SZT2: variants seen among roughly 807,000 people sequenced by gnomAD.
The protein encoded by SZT2 is KICSTOR complex protein SZT2.
In SZT2, 216 loss-of-function variants were observed where a neutral mutation model predicts 404.2. The ratio of observed to expected loss-of-function variants is 0.53; its 90% confidence interval spans 0.48 to 0.60. The LOEUF (loss-of-function observed/expected upper bound fraction) is 0.60. Ranked by LOEUF, SZT2 falls within the 20% of genes least tolerant of loss-of-function variation. The pLI is 0.00. For synonymous variants in SZT2, 1,693 were observed against 1,749.9 expected (o/e 0.97, Z 0.81); for missense variants, 3,857 against 4,459.2 (o/e 0.86, Z 3.85).
Position 43,432,538 on chromosome 1 carries a change from G to A in SZT2, c.5464G>A (p.Ala1822Thr), listed in dbSNP as rs2153934196. 6.2e-7 allele frequency: 1 copy of A among 1,610,470 alleles called. No homozygotes were observed. Among genetic ancestry groups the A allele is most frequent in the Non-Finnish European group, 8.5e-7 (1 of 1,178,192 alleles). The change falls in exon 38 of 72, where the codon GCA becomes ACA. Residue 1822 changes from alanine (A) to threonine (T), a missense_variant. Coordinates refer to ENST00000634258, the MANE Select transcript of SZT2 (RefSeq NM_001365999.1). ...EGETLTASPQAPGSPEDSEGV... is the reference protein window; with the variant it reads ...EGETLTASPQTPGSPEDSEGV... ...TCAGACCCTGACAGCCAGCCCCCAA[G>A]CACCTGGGTCCCCAGAGGATTCTGA...
At position 43,435,202 on chromosome 1, in the gene SZT2, A is replaced by C; in HGVS notation, c.5907A>C (p.Arg1969=). Residue 1969 remains arginine, a splice_region_variant and synonymous_variant, in exon 42 of 72, where the codon CGA becomes CGC. Transcript: ENST00000634258. Reference sequence around the variant, plus strand: ...TGACCTCATGCTCCTTCTCCCAGCGACTGCTTCTTCAAGACCTTCATGACA... The same window carrying C: ...TGACCTCATGCTCCTTCTCCCAGCGCCTGCTTCTTCAAGACCTTCATGACA... ...VGEICREVNQ[R]LLLQDLHDSH... is the part of the protein sequence containing the mutation. 1 of 1,614,070 alleles carries C rather than the reference A, an allele frequency of 6.2e-7. No individual in the cohort carries two copies. The highest frequency in any genetic ancestry group is 8.5e-7 in the Non-Finnish European group (1 of 1,179,966).
rs1017266043 is a variant in SZT2, at chr1:43,426,005, G to A, written c.2930-33G>A. On this transcript the variant is annotated intron_variant, in intron 20 of 71. Coordinates refer to ENST00000634258, the MANE Select transcript of SZT2 (RefSeq NM_001365999.1). The surrounding 1 kb of genome is among the most constrained non-coding windows in gnomAD (Gnocchi z 4.9). The stretch of plus-strand genomic sequence containing the variant: ...CAGGGGAGTGGGTAGGGTAATCTGC[G>A]TCTCACTGTGTCCTGTCCTTCCTCC... The A allele has an allele frequency of 2.9e-5, 46 of 1,612,820 alleles. No homozygotes were observed. Among genetic ancestry groups the A allele is most frequent in the Admixed American group, 2.5e-4 (15 of 60,008 alleles).
At chr1:43,399,720 CA>C (rs1649450643) in intron 1 of SZT2, among the ~76,000 whole-genome samples, 1 of 151,982 alleles carries the variant, frequency 6.6e-6, no homozygotes, top group Non-Finnish European at 1.5e-5. Flanking sequence ...CTTGGCCTCC[CA>C]AAGTGCTGGG....
At position 43,450,635 on chromosome 1, in the gene SZT2, C is replaced by A; in HGVS notation, c.*155C>A. Reference sequence around the variant, plus strand: ...TTTGTAACTATGTCTTGAGGGTCTGCTGCCCCAGCCTGGCAGCAGGAACCG... The same window carrying A: ...TTTGTAACTATGTCTTGAGGGTCTGATGCCCCAGCCTGGCAGCAGGAACCG... On this transcript the variant is annotated 3_prime_UTR_variant, in exon 72 of 72. Coordinates refer to ENST00000634258, the MANE Select transcript of SZT2 (RefSeq NM_001365999.1). This position sits in a 1 kb window ranked among gnomAD's most constrained non-coding sequence, Gnocchi z 4.3. 1 of 1,168,776 alleles carries A rather than the reference C, an allele frequency of 8.6e-7. No individual in the cohort carries two copies. The highest frequency in any genetic ancestry group is 1.2e-6 in the Non-Finnish European group (1 of 834,602). 72.4% of individuals were successfully genotyped at this position (1,168,776 alleles called of 1,614,324 possible).
intron 62 of SZT2, 111 bp from the exon 63 acceptor site, chr1:43,445,781 GTC>G (rs1259850231): frequency 9.6e-7 from 1 of 1,045,806 alleles, no homozygotes; most frequent in Admixed American, 1.9e-5. Flanking sequence ...AGCTTTGTGG[GTC>G]TGTTTCCTCC....
At chr1:43,427,204 A>G in intron 24 of SZT2, 25 bp downstream of exon 24, 1 of 1,612,564 alleles carries the variant, frequency 6.2e-7, no homozygotes, top group Non-Finnish European at 8.5e-7. Context: ...CCTCCTCACG[A>G]ACCCCCTCAG....
intron 4 of SZT2, among the ~76,000 whole-genome samples, chr1:43,410,787 T>C (rs780964926): frequency 2.4e-4 from 37 of 152,054 alleles, no homozygotes; most frequent in Non-Finnish European, 3.5e-4. Context: ...ATCATCTCAC[T>C]ACAGGCCTTT....
In SZT2 at chr1:43,443,612, G is replaced by C. The variant is rs1379192344; in HGVS notation, c.8641G>C (p.Glu2881Gln). 3.1e-6 allele frequency: 5 copies of C among 1,614,176 alleles called. No individual in the cohort carries two copies. In the East Asian group the frequency reaches 1.1e-4, roughly 36 times the overall value. Residue 2881 changes from glutamate (E) to glutamine (Q), a missense_variant, in exon 62 of 72, where the codon GAG becomes CAG. Glu to Gln is a conservative substitution (Grantham distance 29, BLOSUM62 2). Coordinates refer to ENST00000634258, the MANE Select transcript of SZT2 (RefSeq NM_001365999.1). ...PPDGQRRHRP[E>Q]SGSGSREAPT... ...ACTCTCATAGCGGCGCCATCGCCCT[G>C]AGTCAGGGTCTGGGAGCCGAGAGGC...
chr1:43,432,603 A>T lies in SZT2; in HGVS notation c.5529A>T (p.Gly1843=). Residue 1843 remains glycine, a splice_region_variant and synonymous_variant, in exon 38 of 72, where the codon GGA becomes GGT. Transcript: ENST00000634258. ...PLISLPRVPQ[G]GSQPGPSRGL... ...TCAGCCTGCCCCGCGTGCCACAGGGAGGTAAGAGAGGACTTGGGCAGCAGT... is the reference window on the plus strand; with the variant it reads ...TCAGCCTGCCCCGCGTGCCACAGGGTGGTAAGAGAGGACTTGGGCAGCAGT... 1.9e-6 allele frequency: 3 copies of T among 1,613,706 alleles called. No homozygotes were observed. The highest frequency in any genetic ancestry group is 2.5e-6 in the Non-Finnish European group (3 of 1,179,832).
rs574760853 is a variant in SZT2 at position 43,450,777 on chromosome 1, G to A, written c.*297G>A. ...CTTTCGGCCCCCCTGGTAGAGTCTC[G>A]GGAGTTCACACAGGGTGGCAAACAC... On this transcript the variant is annotated 3_prime_UTR_variant, in exon 72 of 72. Coordinates refer to ENST00000634258, the MANE Select transcript of SZT2 (RefSeq NM_001365999.1). The surrounding 1 kb of genome is among the most constrained non-coding windows in gnomAD (Gnocchi z 4.3). 31 of 707,400 alleles carry A rather than the reference G, an allele frequency of 4.4e-5. No homozygotes were observed. The highest frequency in any genetic ancestry group is 6.3e-5 in the Non-Finnish European group (24 of 383,296). The allele number at this position is 707,400 out of a possible 1,614,324, so 43.8% of individuals were successfully genotyped here. A position where few individuals can be genotyped will look rare whatever the true frequency, so the allele number is the denominator to read the frequency against.
rs2153935696 is a variant in SZT2 at position 43,441,391 on chromosome 1, G to A, written c.7511+11G>A. 1 of 1,613,804 alleles carries A rather than the reference G, an allele frequency of 6.2e-7. No homozygotes were observed. The highest frequency in any genetic ancestry group is 8.5e-7 in the Non-Finnish European group (1 of 1,179,802). On this transcript the variant is annotated intron_variant, in intron 53 of 71. Transcript: ENST00000634258. This position sits in a 1 kb window ranked among gnomAD's most constrained non-coding sequence, Gnocchi z 4.8. ...AGCCCAGAGACAAAAGTATGTGTGT[G>A]GTGGTGGTGTGCCCTGGGAGGGTAT... is the stretch of plus-strand genomic sequence containing the variant.
Position 43,439,290 on chromosome 1 carries a change from G to C in SZT2, c.6793-68G>C. 1 of 1,575,048 alleles carries C rather than the reference G, an allele frequency of 6.3e-7. No homozygotes were observed. The highest frequency in any genetic ancestry group is 2.2e-5 in the East Asian group (1 of 44,684). On this transcript the variant is annotated intron_variant, in intron 48 of 71. Transcript: ENST00000634258. The surrounding 1 kb of genome is among the most constrained non-coding windows in gnomAD (Gnocchi z 4.2). The stretch of plus-strand genomic sequence containing the variant: ...CTACCTGCACCACATTCCCCACTGT[G>C]GGCACCCATCCCCGAGGGTTTTGTC...
At chr1:43,396,766 G>C (rs1649043322) in intron 1 of SZT2, among the ~76,000 whole-genome samples, 1 of 152,112 alleles carries the variant, frequency 6.6e-6, no homozygotes, top group Non-Finnish European at 1.5e-5. Flanking sequence ...GGAACATAAA[G>C]CAAATCTGTT....
rs1353060443 is a variant in SZT2 at position 43,442,107 on chromosome 1, A to T, written c.7850A>T (p.Gln2617Leu). 6.3e-7 allele frequency: 1 copy of T among 1,577,376 alleles called. No individual in the cohort carries two copies. The highest frequency in any genetic ancestry group is 1.1e-5 in the South Asian group (1 of 90,352). ...HLLLLGRNFLQWRRPTQQAAK... is the reference protein window; with the variant it reads ...HLLLLGRNFLLWRRPTQQAAK... Reference sequence around the variant, plus strand: ...CTGCTTCTGGGAAGGAACTTCTTGCAGTGGAGGAGACCAACACAGCAGGGT... The same window carrying T: ...CTGCTTCTGGGAAGGAACTTCTTGCTGTGGAGGAGACCAACACAGCAGGGT... The change falls in exon 56 of 72, where the codon CAG (glutamine) becomes CTG (leucine). Residue 2617 changes from glutamine to leucine, a missense_variant. Around this residue, in one of 7 missense-constraint regions of SZT2, gnomAD observed 573 missense variants for 592.4 expected, o/e 0.97. Coordinates refer to ENST00000634258, the MANE Select transcript of SZT2 (RefSeq NM_001365999.1). This position sits in a 1 kb window ranked among gnomAD's most constrained non-coding sequence, Gnocchi z 4.5.
chr1:43,447,568 C>G lies in SZT2; in HGVS notation c.9310C>G (p.Leu3104Val), dbSNP rs755130807. ...AGGGACATTGGAGCTCCCCACACCA[C>G]TCATTGCTGCCCACCAGCTATACAA... is the stretch of plus-strand genomic sequence containing the variant. ...YQGTLELPTP[L>V]IAAHQLYNYV... Residue 3104 changes from leucine (L) to valine (V), a missense_variant, in exon 67 of 72, where the codon CTC becomes GTC. Leu to Val is a conservative substitution (Grantham distance 32, BLOSUM62 1). Transcript: ENST00000634258. 2 of 1,614,116 alleles carry G rather than the reference C, an allele frequency of 1.2e-6. No homozygotes were observed. The highest frequency in any genetic ancestry group is 2.2e-5 in the South Asian group (2 of 91,072).
intron 1 of SZT2, among the ~76,000 whole-genome samples, chr1:43,392,129 G>GAAAAAAAAAAAAAA (rs1648451699): frequency 1.7e-5 from 2 of 118,734 alleles, no homozygotes; most frequent in Non-Finnish European, 3.7e-5. Context: ...AAAAAAAAAT[G>GAAAAAAAAAAAAAA]AAACAAATGA....
In SZT2 at chr1:43,442,710, C is replaced by T; in HGVS notation, c.8151+92C>T. On this transcript the variant is annotated intron_variant, in intron 58 of 71. Coordinates refer to ENST00000634258, the MANE Select transcript of SZT2 (RefSeq NM_001365999.1). This position sits in a 1 kb window ranked among gnomAD's most constrained non-coding sequence, Gnocchi z 4.5. ...TCAGAAGCCAGAAAGATGGGACAGA[C>T]TGAGGGCAGAGGTAGTGGGGAGGGA... is the stretch of plus-strand genomic sequence containing the variant. 1 of 1,535,422 alleles carries T rather than the reference C, an allele frequency of 6.5e-7. No individual in the cohort carries two copies. Among genetic ancestry groups the T allele is most frequent in the African/African-American group, 1.4e-5 (1 of 73,032 alleles).
chr1:43,441,471 T>C lies in SZT2; in HGVS notation c.7512-33T>C, dbSNP rs1407216724. 6.2e-7 allele frequency: 1 copy of C among 1,610,740 alleles called. No homozygotes were observed. The highest frequency in any genetic ancestry group is 1.3e-5 in the African/African-American group (1 of 74,888). On this transcript the variant is annotated intron_variant, in intron 53 of 71. Coordinates refer to ENST00000634258, the MANE Select transcript of SZT2 (RefSeq NM_001365999.1). This position sits in a 1 kb window ranked among gnomAD's most constrained non-coding sequence, Gnocchi z 4.8. The stretch of plus-strand genomic sequence containing the variant: ...TGTATAAACATACAAGTGTCATGTA[T>C]GGACATGAGGCTCTTACTCCCACTG...
In SZT2 at chr1:43,439,628, T is replaced by C. The variant is rs1654846733; in HGVS notation, c.6901T>C (p.Phe2301Leu). 10 of 1,613,766 alleles carry C rather than the reference T, an allele frequency of 6.2e-6. No homozygotes were observed. Among genetic ancestry groups the C allele is most frequent in the South Asian group, 1.1e-5 (1 of 91,052 alleles). ...AGGGGTTGCCTGCATCACTCTAGCCTTTGTGGATGAAGGAGGGGCCCCCTT... is the reference window on the plus strand; with the variant it reads ...AGGGGTTGCCTGCATCACTCTAGCCCTTGTGGATGAAGGAGGGGCCCCCTT... ...GKGVACITLA[F>L]VDEGGAPLSL... Residue 2301 changes from phenylalanine to leucine, a missense_variant, in exon 50 of 72, where the codon TTT (phenylalanine) becomes CTT (leucine). This residue lies in a region of SZT2 where 261 missense variants were observed against 372.9 expected (regional missense o/e 0.70). Coordinates refer to ENST00000634258, the MANE Select transcript of SZT2 (RefSeq NM_001365999.1). This position sits in a 1 kb window ranked among gnomAD's most constrained non-coding sequence, Gnocchi z 4.2.
Sources: gnomAD v4.1 joint callset for allele counts (sites outside exome capture counted in the v4.1 genomes callset) on GRCh38, gnomAD v4.1.1 for gene constraint, gnomAD v4.1.1 regional missense constraint, Gnocchi (gnomAD v3.1) non-coding constraint, MANE v1.5 for transcripts, NCBI Gene and HGNC (gene_info 2026-07-23, HGNC 2026-07-21) for gene names.